The following RUNX3 variants were observed in gnomAD, a reference collection of about 807,000 sequenced individuals.
RUNX3 encodes the protein runt-related transcription factor 3.
Under a neutral mutation model 27.7 loss-of-function variants are expected in RUNX3, and 10 were observed. That is an observed-to-expected ratio of 0.36 (90% CI 0.22 to 0.61). The LOEUF is 0.61. RUNX3 is among the 20% of genes least tolerant of loss of function. The probability of loss-of-function intolerance (pLI) is 0.72; values close to 1 mark genes in which losing one functional copy is unlikely to be tolerated. For missense variants in RUNX3, 469 were observed against 629.5 expected (o/e 0.75, Z 2.73); for synonymous variants, 270 against 269.2 (o/e 1.00, Z -0.03).
Position 24,953,749 on chromosome 1 carries a change from C to T in RUNX3, c.58+10765G>A, listed in dbSNP as rs560640170. 6.6e-5 allele frequency among the ~76,000 whole-genome samples: 10 copies of T among 152,294 alleles called. No individual in the cohort carries two copies. The South Asian group carries it at 1.9e-3, about 28-fold the overall frequency. On this transcript the variant is annotated intron_variant, in intron 2 of 6. Transcript: ENST00000338888. Reference sequence around the variant, plus strand: ...TCCAAAATCCAAAACTTTTTTAGGGCCAACATGGTACTCAAAGGAAATGCT... The same window carrying T: ...TCCAAAATCCAAAACTTTTTTAGGGTCAACATGGTACTCAAAGGAAATGCT...
intron 2 of RUNX3, among the ~76,000 whole-genome samples, chr1:24,959,134 T>C (rs1358062901): frequency 1.3e-5 from 2 of 152,154 alleles, no homozygotes; most frequent in Admixed American, 6.5e-5. Flanking sequence ...GCCTCCTCCC[T>C]CCAGGTAACC....
intron 2 of RUNX3, chr1:24,961,587 C>T (rs1010118625): frequency 1.3e-5 from 2 of 152,198 alleles, no homozygotes; most frequent in Non-Finnish European, 2.9e-5. Flanking sequence ...ACTGGGCTTC[C>T]CTGGCAGCAG....
At chr1:24,921,145 C>T (rs1640993068) in intron 2 of RUNX3, among the ~76,000 whole-genome samples, 1 of 152,208 alleles carries the variant, frequency 6.6e-6, no homozygotes, top group East Asian at 1.9e-4. Flanking sequence ...TGACACGCCT[C>T]CAAAGTGAGC....
chr1:24,959,621 C>T (rs547065469), intron 2 of RUNX3, among the ~76,000 whole-genome samples: 1 of 152,248 alleles, frequency 6.6e-6, no homozygotes, highest in Non-Finnish European at 1.5e-5. Context: ...AACAGAGAGT[C>T]CCCTGTTATT....
At position 24,923,003 on chromosome 1, in the gene RUNX3, C is replaced by T. The variant is rs1043434891; in HGVS notation, c.440-3659G>A. Reference sequence around the variant, plus strand: ...CATGCAGTGTCTCCAGCCCCTAGGACGGCATCCGGCACAGAGTAGGTGCTC... The same window carrying T: ...CATGCAGTGTCTCCAGCCCCTAGGATGGCATCCGGCACAGAGTAGGTGCTC... On this transcript the variant is annotated intron_variant, in intron 2 of 4. Coordinates refer to ENST00000308873, the MANE Select transcript of RUNX3 (RefSeq NM_004350.3). This position sits in a 1 kb window ranked among gnomAD's most constrained non-coding sequence, Gnocchi z 5.9. Among the ~76,000 whole-genome samples the T allele has an allele frequency of 6.6e-5, 10 of 152,088 alleles. No individual in the cohort carries two copies. Among genetic ancestry groups the T allele is most frequent in the African/African-American group, 7.2e-5 (3 of 41,392 alleles).
intron 2 of RUNX3, among the ~76,000 whole-genome samples, chr1:24,949,059 C>T (rs1641689262): frequency 6.6e-6 from 1 of 151,988 alleles, no homozygotes; most frequent in Non-Finnish European, 1.5e-5. Flanking sequence ...CCACAGTGAA[C>T]ACTGCGAGTG....
At chr1:24,935,660 G>A (rs940145865) in intron 2 of RUNX3, among the ~76,000 whole-genome samples, 5 of 152,214 alleles carry the variant, frequency 3.3e-5, no homozygotes, top group African/African-American at 4.8e-5. Flanking sequence ...CCTGCTACTC[G>A]CTCTTGTCAT....
chr1:24,930,441 C>T (rs1347906379), upstream of RUNX3, among the ~76,000 whole-genome samples: 2 of 151,988 alleles, frequency 1.3e-5, no homozygotes, highest in Non-Finnish European at 2.9e-5. This position sits in a 1 kb window ranked among gnomAD's most constrained non-coding sequence, Gnocchi z 4.1. Flanking sequence ...CGGGGAGGGG[C>T]GGAAGGCGCC....
chr1:24,910,080 G>C (rs765268829), intron 3 of RUNX3, among the ~76,000 whole-genome samples: 3 of 152,184 alleles, frequency 2.0e-5, no homozygotes, highest in Non-Finnish European at 4.4e-5. Flanking sequence ...AGTGAGGTCA[G>C]GAGTTTGAAA....
Position 24,910,213 on chromosome 1 carries a change from C to T in RUNX3, c.545-2796G>A, listed in dbSNP as rs1268775534. Among the ~76,000 whole-genome samples, 3 of 149,254 alleles carry T rather than the reference C, an allele frequency of 2.0e-5. No individual in the cohort carries two copies. In the Admixed American group the frequency reaches 2.0e-4, roughly 10 times the overall value. On this transcript the variant is annotated intron_variant, in intron 3 of 4. Transcript: ENST00000308873. ...CTGAGGCAGGAGAATCGCTTGAACC[C>T]GGGAGGCGGAGGTTGCAGTGAGCCA...
At position 24,900,891 on chromosome 1, in the gene RUNX3, G is replaced by A. The variant is rs189347771; in HGVS notation, c.*1231C>T. On this transcript the variant is annotated 3_prime_UTR_variant, in exon 5 of 5. Transcript: ENST00000308873. ...CAGCTGGGGGTCCGCGGGGGGGAGA[G>A]GGGGCGGGGATGTTGCTTATAATCA... 3.9e-5 allele frequency: 6 copies of A among 152,166 alleles called. No homozygotes were observed. Among genetic ancestry groups the A allele is most frequent in the Admixed American group, 6.5e-5 (1 of 15,282 alleles). 9.4% of individuals were successfully genotyped at this position (152,166 alleles called of 1,614,324 possible). A position where few individuals can be genotyped will look rare whatever the true frequency, so the allele number is the denominator to read the frequency against.
intron 2 of RUNX3, among the ~76,000 whole-genome samples, chr1:24,925,586 A>G (rs1641083802): frequency 6.6e-6 from 1 of 152,190 alleles, no homozygotes; most frequent in South Asian, 2.1e-4. Flanking sequence ...TCATCCAGCA[A>G]GTCATTAGCA....
intron 2 of RUNX3, among the ~76,000 whole-genome samples, chr1:24,957,875 G>A (rs1054741049): frequency 3.9e-5 from 6 of 152,266 alleles, no homozygotes; most frequent in African/African-American, 1.4e-4. Context: ...GAGCCTGGCT[G>A]CAGCTGAGGC....
chr1:24,941,188 C>G (rs531900473), intron 2 of RUNX3, among the ~76,000 whole-genome samples: 1 of 152,296 alleles, frequency 6.6e-6, no homozygotes, highest in East Asian at 1.9e-4. Flanking sequence ...CCTAGGTAAG[C>G]ACTTCTAGGT....
chr1:24,924,360 CA>C (rs1173918273), intron 2 of RUNX3, among the ~76,000 whole-genome samples: 1 of 149,668 alleles, frequency 6.7e-6, no homozygotes, highest in Admixed American at 6.6e-5. Context: ...GACCTTGTCC[CA>C]AAAAAAAGTA....
Position 24,952,719 on chromosome 1 carries a change from C to T in RUNX3, c.58+11795G>A, listed in dbSNP as rs187504623. On this transcript the variant is annotated intron_variant, in intron 2 of 6. Transcript: ENST00000338888. ...TCCTTGTCTGATTCAGCCCCCACAG[C>T]GGCCTGGAGAGGTCACTAGCATCAA... is the stretch of plus-strand genomic sequence containing the variant. 1.8e-3 allele frequency among the ~76,000 whole-genome samples: 270 copies of T among 152,306 alleles called. 1 individual carries two copies. The highest frequency in any genetic ancestry group is 2.9e-3 in the Admixed American group (45 of 15,310).
At chr1:24,908,758 C>G (rs1640740509) in intron 3 of RUNX3, among the ~76,000 whole-genome samples, 1 of 152,242 alleles carries the variant, frequency 6.6e-6, no homozygotes, top group African/African-American at 2.4e-5. Context: ...CACCCTCTGC[C>G]TCCCAGCATC....
chr1:24,905,486 C>T (rs971927061), intron 4 of RUNX3, among the ~76,000 whole-genome samples: 2 of 152,154 alleles, frequency 1.3e-5, no homozygotes, highest in African/African-American at 2.4e-5. Flanking sequence ...GGGGGGCTAG[C>T]GAGGGACTGG....
At chr1:24,950,359 G>T (rs1328580597) in intron 2 of RUNX3, among the ~76,000 whole-genome samples, 24 of 152,196 alleles carry the variant, frequency 1.6e-4, no homozygotes, top group Non-Finnish European at 4.4e-5. Context: ...CTGCCTCAGT[G>T]GAGGGCGGCA....
Sources: gnomAD v4.1 joint callset for allele counts (sites outside exome capture counted in the v4.1 genomes callset) on GRCh38, gnomAD v4.1.1 for gene constraint, Gnocchi (gnomAD v3.1) non-coding constraint, MANE v1.5 for transcripts, NCBI Gene and HGNC (gene_info 2026-07-23, HGNC 2026-07-21) for gene names.